Variants in DENND1A observed in about 807,000 individuals in gnomAD.
DENND1A encodes DENN domain-containing protein 1A.
In DENND1A, 51 loss-of-function variants were observed where a neutral mutation model predicts 113.7. That is an observed-to-expected ratio of 0.45 (90% CI 0.36 to 0.57). The LOEUF (loss-of-function observed/expected upper bound fraction) is 0.57. DENND1A is among the 20% of genes least tolerant of loss of function. The pLI is 0.00. For missense variants in DENND1A, 1,258 were observed against 1,395.9 expected (o/e 0.90, Z 1.57); for synonymous variants, 565 against 570.8 (o/e 0.99, Z 0.14).
chr9:123,765,766 T>G (rs575366161), intron 4 of DENND1A, among the ~76,000 whole-genome samples: 6 of 152,164 alleles, frequency 3.9e-5, no homozygotes, highest in African/African-American at 1.4e-4. Flanking sequence ...ACTATTTTTA[T>G]TAGTAATAAT....
At chr9:123,385,636 G>C (rs990087460) in intron 22 of DENND1A, among the ~76,000 whole-genome samples, 1 of 152,218 alleles carries the variant, frequency 6.6e-6, no homozygotes, top group Non-Finnish European at 1.5e-5. Flanking sequence ...AACAGTCCCA[G>C]TGATGGGCAG....
chr9:123,504,227 G>C (rs1471775302), intron 13 of DENND1A, among the ~76,000 whole-genome samples: 1 of 152,082 alleles, frequency 6.6e-6, no homozygotes, highest in Non-Finnish European at 1.5e-5. Flanking sequence ...CTCGCCCTTC[G>C]AGGTCCCGCC....
At chr9:123,673,062 G>T (rs2063842947) in intron 6 of DENND1A, among the ~76,000 whole-genome samples, 1 of 152,196 alleles carries the variant, frequency 6.6e-6, no homozygotes, top group South Asian at 2.1e-4. Flanking sequence ...TTGACGATGA[G>T]ACCACCCATT....
intron 5 of DENND1A, among the ~76,000 whole-genome samples, chr9:123,752,564 C>T (rs1051868028): frequency 1.3e-5 from 2 of 152,184 alleles, no homozygotes; most frequent in East Asian, 3.8e-4. Flanking sequence ...TATTGTATGA[C>T]ATATCTCCCC....
chr9:123,854,183 G>A (rs1843796186), intron 2 of DENND1A, among the ~76,000 whole-genome samples: 1 of 152,134 alleles, frequency 6.6e-6, no homozygotes. Context: ...CTACATTTCT[G>A]CTGGCAAAAA....
At chr9:123,575,429 C>T (rs560091930) in intron 12 of DENND1A, among the ~76,000 whole-genome samples, 1 of 152,260 alleles carries the variant, frequency 6.6e-6, no homozygotes, top group Non-Finnish European at 1.5e-5. Context: ...GGGTTGGAGA[C>T]CCCTGTTGCA....
At chr9:123,593,141 G>A (rs1014196398) in intron 11 of DENND1A, among the ~76,000 whole-genome samples, 19 of 152,202 alleles carry the variant, frequency 1.2e-4, no homozygotes, top group Non-Finnish European at 2.9e-5. Flanking sequence ...CTGCAACATT[G>A]TTGGGGTCCT....
chr9:123,472,792 A>G (rs59460368), intron 13 of DENND1A, among the ~76,000 whole-genome samples: 23,503 of 152,106 alleles, frequency 0.15, 1,908 homozygotes, highest in African/African-American at 0.16. Flanking sequence ...AACTTCCTGC[A>G]TTCCCATAAC....
intron 1 of DENND1A, among the ~76,000 whole-genome samples, chr9:123,906,196 A>G (rs377368213): frequency 6.1e-4 from 87 of 142,346 alleles, no homozygotes; most frequent in Middle Eastern, 3.8e-3. Flanking sequence ...TCTCTGGGAC[A>G]CATTCAAAGC....
chr9:123,635,339 T>A (rs1975064), intron 9 of DENND1A, among the ~76,000 whole-genome samples: 66,449 of 152,138 alleles, frequency 0.44, 15,367 homozygotes, highest in African/African-American at 0.59. Flanking sequence ...TTTCACAGAT[T>A]AGGAAACAGT....
At chr9:123,836,936 T>C (rs1010073806) in intron 2 of DENND1A, among the ~76,000 whole-genome samples, 5 of 152,196 alleles carry the variant, frequency 3.3e-5, no homozygotes. Flanking sequence ...TTATCTTCTA[T>C]AGTTCCCTTA....
intron 5 of DENND1A, among the ~76,000 whole-genome samples, chr9:123,724,120 G>A (rs966052040): frequency 1.3e-5 from 2 of 152,120 alleles, no homozygotes; most frequent in Non-Finnish European, 2.9e-5. Context: ...AACCTTTGTA[G>A]TCATAATGCT....
At chr9:123,595,199 A>T (rs2059629793) in intron 11 of DENND1A, among the ~76,000 whole-genome samples, 1 of 152,202 alleles carries the variant, frequency 6.6e-6, no homozygotes, top group South Asian at 2.1e-4. Context: ...AGAGGAGGGA[A>T]GTGGTGTAAG....
intron 13 of DENND1A, among the ~76,000 whole-genome samples, chr9:123,468,139 T>C (rs1255543154): frequency 6.6e-6 from 1 of 152,106 alleles, no homozygotes; most frequent in Non-Finnish European, 1.5e-5. Flanking sequence ...ATTGGGGGGT[T>C]CCACTCTCAG....
chr9:123,586,824 C>G (rs1005488315), intron 11 of DENND1A, among the ~76,000 whole-genome samples: 2 of 152,142 alleles, frequency 1.3e-5, no homozygotes, highest in East Asian at 3.9e-4. Flanking sequence ...TGCCTCTCAT[C>G]TTAACCATGC....
chr9:123,833,300 T>C (rs1296470270), intron 2 of DENND1A, among the ~76,000 whole-genome samples: 30 of 152,186 alleles, frequency 2.0e-4, no homozygotes, highest in Admixed American at 2.0e-3. Flanking sequence ...ATCAAACTGT[T>C]AACTTGTATT....
intron 2 of DENND1A, among the ~76,000 whole-genome samples, chr9:123,822,586 C>T (rs1838660196): frequency 6.6e-6 from 1 of 152,152 alleles, no homozygotes; most frequent in Non-Finnish European, 1.5e-5. Context: ...CATTTAGCTG[C>T]ACTAACTCAA....
Position 123,886,562 on chromosome 9 carries a change from A to G in DENND1A, c.18-7541T>C, listed in dbSNP as rs566737772. Among the ~76,000 whole-genome samples, 8 of 152,370 alleles carry G rather than the reference A, an allele frequency of 5.3e-5. No homozygotes were observed. The South Asian group carries it at 1.7e-3, about 32-fold the overall frequency. Reference sequence around the variant, plus strand: ...TCTCTTAAACTTGACAACATGGTCAAAAGAAACTGTATACACTTCAGAACG... The same window carrying G: ...TCTCTTAAACTTGACAACATGGTCAGAAGAAACTGTATACACTTCAGAACG... On this transcript the variant is annotated intron_variant, in intron 1 of 23. Coordinates refer to ENST00000394215, the MANE Select transcript of DENND1A (RefSeq NM_001352964.2).
Position 123,381,619 on chromosome 9 carries a change from G to T in DENND1A, c.3026C>A (p.Pro1009Gln). The T allele has an allele frequency of 6.2e-7, 1 of 1,612,588 alleles. No homozygotes were observed. The highest frequency in any genetic ancestry group is 8.5e-7 in the Non-Finnish European group (1 of 1,179,664). The change falls in exon 24 of 24, where the codon CCG (proline) becomes CAG (glutamine). Residue 1009 changes from proline to glutamine, a missense_variant. By Grantham distance (76) the Pro-to-Gln change is moderately conservative (BLOSUM62 -1). This residue lies in a region of DENND1A where 1,159 missense variants were observed against 1,231.7 expected (regional missense o/e 0.94). Coordinates refer to ENST00000394215, the MANE Select transcript of DENND1A (RefSeq NM_001352964.2). This position sits in a 1 kb window ranked among gnomAD's most constrained non-coding sequence, Gnocchi z 4.7. ...QGLALRPGDP[P>Q]LLPPRPPQGL... is the part of the protein sequence containing the mutation. ...TTGAGGGGGCCTGGGAGGCAGAAGC[G>T]GGGGGTCTCCAGGCCTCAGGGCCAG...
Sources: allele counts gnomAD v4.1 joint callset (sites outside exome capture counted in the v4.1 genomes callset), GRCh38; gene constraint gnomAD v4.1.1; regional missense constraint gnomAD v4.1.1; non-coding constraint Gnocchi (gnomAD v3.1); transcripts MANE v1.5; gene names NCBI Gene and HGNC (gene_info 2026-07-23, HGNC 2026-07-21).